FRY: variants seen among roughly 807,000 people sequenced by gnomAD.
The protein encoded by FRY is protein furry homolog.
A neutral mutation model predicts 348.4 loss-of-function variants in FRY; 128 were observed. The observed-to-expected ratio is 0.37, with a 90% confidence interval of 0.32 to 0.43. FRY has a LOEUF of 0.43. Among genes scored for constraint, FRY ranks in the 20% least tolerant of loss-of-function variants. FRY has a pLI of 1.00. For missense variants in FRY, 2,736 were observed against 3,695.2 expected, an observed-to-expected ratio of 0.74 and a Z score of 6.73; for synonymous variants, 1,370 against 1,374.7, an observed-to-expected ratio of 1.00 and a Z score of 0.08.
At position 32,239,385 on chromosome 13, in the gene FRY, A is replaced by G; in HGVS notation, c.6516+36A>G. ...CAGTTCCACACTCAGGCAGATCCATAGAGGCCTTCAGGACGCCCTAGTGTC... is the reference window on the plus strand; with the variant it reads ...CAGTTCCACACTCAGGCAGATCCATGGAGGCCTTCAGGACGCCCTAGTGTC... On this transcript the variant is annotated intron_variant, in intron 45 of 60. Transcript: ENST00000542859. The surrounding 1 kb of genome is among the most constrained non-coding windows in gnomAD (Gnocchi z 4.3). The G allele has an allele frequency of 7.9e-7, 1 of 1,258,418 alleles. No individual in the cohort carries two copies. The highest frequency in any genetic ancestry group is 1.2e-6 in the Non-Finnish European group (1 of 855,016). The allele number at this position is 1,258,418 out of a possible 1,614,324, so 78.0% of individuals were successfully genotyped here.
chr13:32,228,367 A>C (rs557400323), intron 39 of FRY, 89 bp from the exon 40 acceptor site: 1 of 966,626 alleles, frequency 1.0e-6, no homozygotes, highest in Admixed American at 1.7e-5. Flanking sequence ...ATAACTCCAC[A>C]CTTCCCTGCC....
At chr13:32,154,200 T>A (rs994671830) in intron 14 of FRY, among the ~76,000 whole-genome samples, 5 of 152,116 alleles carry the variant, frequency 3.3e-5, no homozygotes, top group African/African-American at 1.2e-4. Context: ...CCTAGAAACA[T>A]CTCATAAAAG....
chr13:32,274,783 G>T (rs1888434304), intron 55 of FRY, 59 bp from the exon 56 acceptor site: 5 of 1,227,316 alleles, frequency 4.1e-6, no homozygotes, highest in Non-Finnish European at 4.7e-6. Flanking sequence ...CCCAAAATAT[G>T]TTTTATCATA....
intron 1 of FRY, among the ~76,000 whole-genome samples, chr13:32,076,889 G>T (rs917090720): frequency 5.9e-5 from 9 of 152,186 alleles, no homozygotes; most frequent in African/African-American, 2.2e-4. Flanking sequence ...TTACTTAGCA[G>T]CAGTCTATTG....
intron 23 of FRY, 39 bp from the exon 24 acceptor site, chr13:32,182,938 A>G: frequency 7.2e-7 from 1 of 1,389,198 alleles, no homozygotes; most frequent in Non-Finnish European, 1.0e-6. Flanking sequence ...TTTGGTGTCA[A>G]AAACAATGAA....
At chr13:32,230,829 T>C (rs535858040) in intron 40 of FRY, among the ~76,000 whole-genome samples, 1 of 152,240 alleles carries the variant, frequency 6.6e-6, no homozygotes, top group Non-Finnish European at 1.5e-5. Context: ...TATTATTTTT[T>C]GACTTTTTAA....
intron 17 of FRY, among the ~76,000 whole-genome samples, chr13:32,165,422 G>T (rs1208044630): frequency 6.6e-6 from 1 of 152,166 alleles, no homozygotes; most frequent in Admixed American, 6.5e-5. Context: ...TTTTAATTGA[G>T]ATATAGTTCG....
chr13:32,153,907 G>A (rs1404995478), intron 14 of FRY, among the ~76,000 whole-genome samples: 2 of 152,070 alleles, frequency 1.3e-5, no homozygotes, highest in African/African-American at 4.8e-5. Flanking sequence ...GAGTTGTGAT[G>A]AACTATATGA....
chr13:32,270,695 T>C (rs1366387954), intron 55 of FRY, among the ~76,000 whole-genome samples: 1 of 152,210 alleles, frequency 6.6e-6, no homozygotes, highest in African/African-American at 2.4e-5. Flanking sequence ...AAGCCCTGAT[T>C]GGGTGTCACT....
intron 3 of FRY, among the ~76,000 whole-genome samples, chr13:32,116,584 T>A (rs1878316643): frequency 6.6e-6 from 1 of 152,084 alleles, no homozygotes; most frequent in African/African-American, 2.4e-5. Flanking sequence ...TTTCTTGGAG[T>A]TTTATATTTT....
intron 1 of FRY, among the ~76,000 whole-genome samples, chr13:32,055,031 A>G (rs1327852328): frequency 6.6e-6 from 1 of 151,954 alleles, no homozygotes; most frequent in Non-Finnish European, 1.5e-5. Context: ...CTGTTTTACT[A>G]TTTATTTCTT....
intron 35 of FRY, among the ~76,000 whole-genome samples, chr13:32,217,400 T>G (rs945793302): frequency 1.4e-4 from 21 of 152,298 alleles, no homozygotes; most frequent in African/African-American, 5.1e-4. Context: ...ATTGATTTCT[T>G]TCTAGAAATC....
At chr13:32,146,254 A>G (rs575324570) in intron 11 of FRY, among the ~76,000 whole-genome samples, 33 of 151,874 alleles carry the variant, frequency 2.2e-4, no homozygotes, top group Non-Finnish European at 4.4e-4. Context: ...AGTAGCTCAA[A>G]TGTGTGTGCA....
chr13:32,135,900 TG>T (rs1200775481), intron 10 of FRY, among the ~76,000 whole-genome samples: 3 of 152,220 alleles, frequency 2.0e-5, no homozygotes, highest in African/African-American at 4.8e-5. Flanking sequence ...TTGCTGGTAG[TG>T]GTGACAAATT....
intron 47 of FRY, among the ~76,000 whole-genome samples, chr13:32,246,707 G>C (rs1886824327): frequency 6.6e-6 from 1 of 152,234 alleles, no homozygotes; most frequent in African/African-American, 2.4e-5. Context: ...AGGGGCCATT[G>C]AGATAGTCCA....
At chr13:32,099,136 C>A (rs1315852743) in intron 2 of FRY, among the ~76,000 whole-genome samples, 4 of 151,938 alleles carry the variant, frequency 2.6e-5, no homozygotes, top group Admixed American at 6.6e-5. Context: ...TAAATGGAGT[C>A]TTGCTAGGGA....
intron 3 of FRY, among the ~76,000 whole-genome samples, chr13:32,110,654 C>G (rs1423964899): frequency 6.6e-6 from 1 of 152,062 alleles, no homozygotes; most frequent in African/African-American, 2.4e-5. Context: ...CAGCTACATG[C>G]AAATGCTTGC....
At chr13:32,238,448 T>C (rs547291614) in intron 44 of FRY, among the ~76,000 whole-genome samples, 1 of 152,066 alleles carries the variant, frequency 6.6e-6, no homozygotes, top group African/African-American at 2.4e-5. Flanking sequence ...TGTTTTGTTT[T>C]GTTTTGTTTT....
chr13:32,179,936 C>A, intron 23 of FRY, 137 bp downstream of exon 23: 4 of 830,922 alleles, frequency 4.8e-6, no homozygotes, highest in South Asian at 1.5e-5. Flanking sequence ...CCCACTACAT[C>A]GTCTTGGTTG....
Sources: gnomAD v4.1 joint callset for allele counts (sites outside exome capture counted in the v4.1 genomes callset) on GRCh38, gnomAD v4.1.1 for gene constraint, Gnocchi (gnomAD v3.1) non-coding constraint, MANE v1.5 for transcripts, NCBI Gene and HGNC (gene_info 2026-07-23, HGNC 2026-07-21) for gene names.